Variants in DNAJC10 observed in about 807,000 individuals in gnomAD.
The protein encoded by DNAJC10 is endoplasmic reticulum disulfide reductase DNAJC10.
In DNAJC10, 101 loss-of-function variants were observed where a neutral mutation model predicts 115.0. The ratio of observed to expected loss-of-function variants is 0.88; its 90% CI spans 0.75 to 1.04. The LOEUF is 1.04. DNAJC10 is among the 50% of genes least tolerant of loss of function. DNAJC10 has a pLI of 0.00. For missense variants in DNAJC10, 981 were observed against 928.8 expected (o/e 1.06, Z -0.73); for synonymous variants, 307 against 301.5 (o/e 1.02, Z -0.19).
At chr2:182,751,564 C>G in intron 14 of DNAJC10, 94 bp from the exon 15 acceptor site, 2 of 1,368,334 alleles carry the variant, frequency 1.5e-6, no homozygotes, top group Non-Finnish European at 2.0e-6. Context: ...CATAATTTAT[C>G]TTCTTTAGTA....
intron 15 of DNAJC10, 70 bp from the exon 16 acceptor site, chr2:182,752,002 G>C: frequency 7.6e-7 from 1 of 1,316,324 alleles, no homozygotes; most frequent in Admixed American, 1.8e-5. Flanking sequence ...CATATTACTT[G>C]TTGCAGAAAT....
Position 182,778,759 on chromosome 2 carries a change from A to G in DNAJC10, c.*1627A>G, listed in dbSNP as rs1254390351. The G allele has an allele frequency of 6.6e-6, 1 of 152,196 alleles. No homozygotes were observed. Among genetic ancestry groups the G allele is most frequent in the Non-Finnish European group, 1.5e-5 (1 of 68,028 alleles). The allele number at this position is 152,196 out of a possible 1,614,324, so 9.4% of individuals were successfully genotyped here. A position where few individuals can be genotyped will look rare whatever the true frequency, so the allele number is the denominator to read the frequency against. Reference sequence around the variant, plus strand: ...GTCACACTTAACACCAGCTTTTTGAATTATGATCAGTAATGGCAAGAGCCT... The same window carrying G: ...GTCACACTTAACACCAGCTTTTTGAGTTATGATCAGTAATGGCAAGAGCCT... On this transcript the variant is annotated 3_prime_UTR_variant, in exon 24 of 24. Coordinates refer to ENST00000264065, the MANE Select transcript of DNAJC10 (RefSeq NM_018981.4).
intron 18 of DNAJC10, among the ~76,000 whole-genome samples, chr2:182,757,052 A>G (rs575477046): frequency 1.3e-5 from 2 of 152,192 alleles, no homozygotes; most frequent in South Asian, 2.1e-4. Context: ...TAAAAATATC[A>G]TTTCCTGACA....
Position 182,749,641 on chromosome 2 carries a change from A to G in DNAJC10, c.1307-2017A>G, listed in dbSNP as rs564831336. 4.6e-5 allele frequency among the ~76,000 whole-genome samples: 7 copies of G among 152,194 alleles called. No homozygotes were observed. In the South Asian group the frequency reaches 1.5e-3, roughly 32 times the overall value. On this transcript the variant is annotated intron_variant, in intron 14 of 23. Transcript: ENST00000264065. ...CCAGTCTGTGTCTTTTAATTGGAGC[A>G]TTTAGTCCATTTACATTTAAAGTTA...
chr2:182,724,919 T>TA (rs553322716), intron 5 of DNAJC10, among the ~76,000 whole-genome samples: 51 of 152,354 alleles, frequency 3.3e-4, no homozygotes, highest in African/African-American at 1.2e-3. Flanking sequence ...TACCTCATTT[T>TA]ATTACACTTT....
chr2:182,718,814 T>C (rs1199784722), intron 3 of DNAJC10, among the ~76,000 whole-genome samples: 1 of 152,226 alleles, frequency 6.6e-6, no homozygotes, highest in Non-Finnish European at 1.5e-5. Context: ...TAAATATTTA[T>C]GTACACATTA....
intron 22 of DNAJC10, among the ~76,000 whole-genome samples, chr2:182,765,633 G>A (rs2105694307): frequency 1.3e-5 from 2 of 152,248 alleles, no homozygotes; most frequent in East Asian, 3.9e-4. Flanking sequence ...GGTAGTGTTA[G>A]GTGCCTTCCA....
intron 5 of DNAJC10, among the ~76,000 whole-genome samples, chr2:182,727,910 A>G (rs1307483877): frequency 6.6e-6 from 1 of 152,218 alleles, no homozygotes; most frequent in East Asian, 1.9e-4. Flanking sequence ...AAAATGTACT[A>G]TTGGCTAGAT....
intron 16 of DNAJC10, 24 bp downstream of exon 16, chr2:182,752,212 T>C: frequency 8.1e-7 from 1 of 1,235,888 alleles, no homozygotes; most frequent in East Asian, 2.5e-5. Context: ...TCAAAAATTA[T>C]TCTAATTAAT....
intron 11 of DNAJC10, among the ~76,000 whole-genome samples, chr2:182,736,706 A>C (rs938495167): frequency 2.0e-5 from 3 of 152,186 alleles, no homozygotes; most frequent in Non-Finnish European, 4.4e-5. Flanking sequence ...GGTTATACGA[A>C]AGAGCATTTA....
chr2:182,730,409 G>A (rs964446932), intron 8 of DNAJC10: 4 of 270,764 alleles, frequency 1.5e-5, no homozygotes, highest in South Asian at 3.7e-5. Flanking sequence ...GTAAAGTTAC[G>A]TGTCAGAAAC....
At chr2:182,746,393 C>G (rs1288442583) in intron 14 of DNAJC10, among the ~76,000 whole-genome samples, 1 of 152,088 alleles carries the variant, frequency 6.6e-6, no homozygotes, top group Non-Finnish European at 1.5e-5. Context: ...TCTCCAGCAC[C>G]TGTTGTTTTC....
Position 182,752,169 on chromosome 2 carries a change from A to C in DNAJC10, c.1532A>C (p.His511Pro). Residue 511 changes from histidine to proline, a missense_variant, in exon 16 of 24, where the codon CAT (histidine) becomes CCT (proline). Transcript: ENST00000264065. ...LKFGTLDCTV[H>P]EGLCNMYNIQ... ...TTTGGTACACTAGATTGTACAGTTC[A>C]TGAGGGACTCTGTAACATGGTAAGG... 6.4e-7 allele frequency: 1 copy of C among 1,571,992 alleles called. No homozygotes were observed. Among genetic ancestry groups the C allele is most frequent in the Non-Finnish European group, 8.7e-7 (1 of 1,153,304 alleles).
intron 16 of DNAJC10, among the ~76,000 whole-genome samples, chr2:182,754,002 A>G (rs897912874): frequency 3.9e-5 from 6 of 152,202 alleles, no homozygotes; most frequent in South Asian, 2.1e-4. Context: ...CTACTCACCA[A>G]TTAGTTGCCA....
intron 7 of DNAJC10, 87 bp from the exon 8 acceptor site, chr2:182,729,761 T>C: frequency 2.5e-6 from 2 of 792,230 alleles, no homozygotes; most frequent in East Asian, 2.6e-5. Flanking sequence ...TTCAAGATAA[T>C]GTAAAAATCA....
intron 14 of DNAJC10, among the ~76,000 whole-genome samples, chr2:182,747,339 A>G (rs1313344556): frequency 2.0e-5 from 3 of 152,156 alleles, no homozygotes; most frequent in Non-Finnish European, 4.4e-5. Context: ...CCATTGTCAC[A>G]ATATTGAGTC....
At chr2:182,732,563 A>G in intron 10 of DNAJC10, 21 bp downstream of exon 10, 2 of 1,610,036 alleles carry the variant, frequency 1.2e-6, no homozygotes, top group Non-Finnish European at 1.7e-6. Flanking sequence ...ATCATTTTGT[A>G]AAACTATATC....
intron 10 of DNAJC10, among the ~76,000 whole-genome samples, chr2:182,734,124 G>T (rs1693525756): frequency 1.4e-5 from 2 of 144,312 alleles, no homozygotes; most frequent in African/African-American, 2.6e-5. Flanking sequence ...TGATTTCATT[G>T]ACTTAAGCAC....
rs1381778900 is a variant in DNAJC10 at position 182,790,559 on chromosome 2, G to A, written c.*13427G>A. 2 of 152,046 alleles carry A rather than the reference G, an allele frequency of 1.3e-5. No individual in the cohort carries two copies. The highest frequency in any genetic ancestry group is 2.4e-5 in the African/African-American group (1 of 41,362). 9.4% of individuals were successfully genotyped at this position (152,046 alleles called of 1,614,324 possible). On this transcript the variant is annotated 3_prime_UTR_variant, in exon 24 of 24. Coordinates refer to ENST00000264065, the MANE Select transcript of DNAJC10 (RefSeq NM_018981.4). ...CCAGCGCTTTGGGAGGCCGAGGCGG[G>A]TGGATCCCTTGAGGTTAAGAGTTCA...
Sources: gnomAD v4.1 joint callset for allele counts (sites outside exome capture counted in the v4.1 genomes callset) on GRCh38, gnomAD v4.1.1 for gene constraint, MANE v1.5 for transcripts, NCBI Gene and HGNC (gene_info 2026-07-23, HGNC 2026-07-21) for gene names.